Variants in CCR3 observed in about 807,000 individuals in gnomAD.
CCR3 encodes the protein C-C chemokine receptor type 3.
For synonymous variants in CCR3, 203 were observed against 179.2 expected, an observed-to-expected ratio of 1.13 and a Z score of -1.06; for missense variants, 419 against 437.5, an observed-to-expected ratio of 0.96 and a Z score of 0.38.
intron 2 of CCR3, among the ~76,000 whole-genome samples, chr3:46,215,994 G>C (rs1197029570): frequency 6.6e-6 from 1 of 152,222 alleles, no homozygotes; most frequent in Non-Finnish European, 1.5e-5. Context: ...TTCCAGCACT[G>C]AGTTGGTGAA....
intron 1 of CCR3, among the ~76,000 whole-genome samples, chr3:46,242,996 T>TACAC (rs1700118562): frequency 3.3e-5 from 4 of 121,696 alleles, no homozygotes; most frequent in East Asian, 4.7e-4. Flanking sequence ...TATATATATA[T>TACAC]ATATATACGC....
At chr3:46,235,422 C>T (rs1575492761) in intron 2 of CCR3, among the ~76,000 whole-genome samples, 1 of 152,336 alleles carries the variant, frequency 6.6e-6, no homozygotes, top group South Asian at 2.1e-4. Flanking sequence ...AAGCACTTCT[C>T]ATAGGCTAGC....
intron 2 of CCR3, among the ~76,000 whole-genome samples, chr3:46,223,512 A>G (rs1246696162): frequency 6.6e-6 from 1 of 152,172 alleles, no homozygotes; most frequent in African/African-American, 2.4e-5. Context: ...TTTCCACAGT[A>G]CCCAGCACTG....
intron 2 of CCR3, among the ~76,000 whole-genome samples, chr3:46,217,469 C>T (rs1474818525): frequency 6.6e-6 from 1 of 152,110 alleles, no homozygotes; most frequent in Admixed American, 6.5e-5. Flanking sequence ...ATGGACCTTA[C>T]AGATATTTAC....
In CCR3 at chr3:46,266,418, G is replaced by A. The variant is rs181905405; in HGVS notation, c.*192G>A. The A allele has an allele frequency of 5.5e-6, 3 of 547,674 alleles. No homozygotes were observed. The highest frequency in any genetic ancestry group is 1.9e-5 in the African/African-American group (1 of 52,210). The allele number at this position is 547,674 out of a possible 1,614,324, so 33.9% of individuals were successfully genotyped here. On this transcript the variant is annotated 3_prime_UTR_variant, in exon 2 of 2. Transcript: ENST00000395940. The stretch of plus-strand genomic sequence containing the variant: ...CTAAGGTCATTACCACAGGCCAGGG[G>A]CTGGGCAGCGTACTCATCATCAACC...
Position 46,265,589 on chromosome 3 carries a change from C to A in CCR3, c.431C>A (p.Ala144Asp). Residue 144 changes from alanine (A) to aspartate (D), a missense_variant, in exon 2 of 2, where the codon GCC becomes GAC. Physicochemically the swap from Ala to Asp is moderately radical, Grantham distance 126 (BLOSUM62 -2). Transcript: ENST00000395940. ...GTCCATGCTGTGTTTGCCCTTCGAG[C>A]CCGGACTGTCACTTTTGGTGTCATC... ...AIVHAVFALR[A>D]RTVTFGVITS... 6.2e-7 allele frequency: 1 copy of A among 1,614,138 alleles called. No homozygotes were observed. Among genetic ancestry groups the A allele is most frequent in the Non-Finnish European group, 8.5e-7 (1 of 1,180,012 alleles).
chr3:46,247,895 C>A (rs947087799), intron 1 of CCR3, among the ~76,000 whole-genome samples: 6 of 152,044 alleles, frequency 3.9e-5, no homozygotes, highest in Non-Finnish European at 7.3e-5. Flanking sequence ...AGTAGAATAG[C>A]ACATAGAATA....
chr3:46,229,116 G>A (rs1342272557), intron 2 of CCR3, among the ~76,000 whole-genome samples: 1 of 152,180 alleles, frequency 6.6e-6, no homozygotes, highest in East Asian at 1.9e-4. Context: ...TCACTGAGTT[G>A]CAGCCAATGG....
intron 1 of CCR3, among the ~76,000 whole-genome samples, chr3:46,252,763 A>C (rs924814708): frequency 3.9e-5 from 6 of 152,154 alleles, no homozygotes; most frequent in African/African-American, 1.4e-4. Flanking sequence ...TGATACAGCA[A>C]TATAGCCTAC....
chr3:46,254,808 C>T lies in CCR3; in HGVS notation c.-11-10340C>T, dbSNP rs150196825. ...AATTCCATCTAGGTTGCTGCAAATG[C>T]CATTATTTCATTCATTTTCATGGCT... On this transcript the variant is annotated intron_variant, in intron 1 of 1. Coordinates refer to ENST00000395940, the MANE Select transcript of CCR3 (RefSeq NM_178329.3). 1.3e-3 allele frequency among the ~76,000 whole-genome samples: 201 copies of T among 152,196 alleles called. 1 individual carries two copies. The highest frequency in any genetic ancestry group is 4.5e-3 in the African/African-American group (188 of 41,550).
chr3:46,233,016 A>G (rs1699983652), intron 2 of CCR3, among the ~76,000 whole-genome samples: 1 of 152,192 alleles, frequency 6.6e-6, no homozygotes, highest in African/African-American at 2.4e-5. Context: ...TATTTTTCGT[A>G]GAGACGGGGT....
At chr3:46,212,958 T>G (rs971820181) in intron 2 of CCR3, among the ~76,000 whole-genome samples, 3 of 152,156 alleles carry the variant, frequency 2.0e-5, no homozygotes. Flanking sequence ...TTGTATACAT[T>G]GGGTACTTTT....
intron 2 of CCR3, among the ~76,000 whole-genome samples, chr3:46,225,904 G>GA (rs1205778427): frequency 1.3e-5 from 2 of 152,122 alleles, no homozygotes; most frequent in African/African-American, 4.8e-5. Context: ...GTTTATCTAC[G>GA]AATGTACAAT....
chr3:46,245,747 T>C (rs568108098), intron 1 of CCR3, among the ~76,000 whole-genome samples: 1 of 99,986 alleles, frequency 1.0e-5, no homozygotes, highest in African/African-American at 3.1e-5. Context: ...GTTGTTCTCT[T>C]CTTTGTGTTC....
intron 2 of CCR3, among the ~76,000 whole-genome samples, chr3:46,216,244 C>T (rs1490963669): frequency 1.3e-5 from 2 of 152,194 alleles, no homozygotes; most frequent in African/African-American, 4.8e-5. Flanking sequence ...TGCTATGCAA[C>T]TTTATGTGTT....
intron 2 of CCR3, among the ~76,000 whole-genome samples, chr3:46,217,756 C>T (rs908397407): frequency 2.0e-5 from 3 of 151,928 alleles, no homozygotes; most frequent in Non-Finnish European, 2.9e-5. Context: ...TTTAGCAATT[C>T]TTTGAACTGA....
intron 2 of CCR3, among the ~76,000 whole-genome samples, chr3:46,224,300 A>G (rs1270543160): frequency 1.3e-5 from 2 of 152,160 alleles, no homozygotes; most frequent in Non-Finnish European, 2.9e-5. Context: ...AACATCAACA[A>G]AAAACCAAAC....
rs1449018994 is a variant in CCR3 at position 46,250,145 on chromosome 3, AAGG to A, written c.-12+7610_-12+7612del. ...ACGCTTCTGATTTGGGATAAAGAAA[AAGG>A]AGCATTAACCTTGACTATGCCTTTG... On this transcript the variant is annotated intron_variant, in intron 1 of 1. Transcript: ENST00000395940. Among the ~76,000 whole-genome samples the A allele has an allele frequency of 2.1e-3, 317 of 152,250 alleles. 2 individuals are homozygous for A. The highest frequency in any genetic ancestry group is 6.8e-3 in the African/African-American group (284 of 41,512).
chr3:46,219,858 T>G (rs182090582), intron 2 of CCR3, among the ~76,000 whole-genome samples: 3 of 152,258 alleles, frequency 2.0e-5, no homozygotes, highest in Admixed American at 6.5e-5. Context: ...ATAAAAGACT[T>G]AAATCTAAGA....
Sources: allele counts gnomAD v4.1 joint callset (sites outside exome capture counted in the v4.1 genomes callset), GRCh38; gene constraint gnomAD v4.1.1; transcripts MANE v1.5; gene names NCBI Gene and HGNC (gene_info 2026-07-23, HGNC 2026-07-21).